Variants in ACSBG1 observed in about 807,000 individuals in gnomAD.
The protein encoded by ACSBG1 is long-chain-fatty-acid--CoA ligase ACSBG1.
A neutral mutation model predicts 80.2 loss-of-function variants in ACSBG1; 39 were observed. The observed-to-expected ratio is 0.49, with a 90% CI of 0.38 to 0.64. The LOEUF (loss-of-function observed/expected upper bound fraction) is 0.64, where lower values mean the gene tolerates loss of function less well. ACSBG1 is among the 30% of genes least tolerant of loss of function. The pLI, the probability that ACSBG1 is intolerant of heterozygous loss-of-function variation, is 0.00. For missense variants in ACSBG1, 828 were observed against 966.4 expected, an observed-to-expected ratio of 0.86 and a Z score of 1.90; for synonymous variants, 392 against 379.5, an observed-to-expected ratio of 1.03 and a Z score of -0.38.
rs2075224437 is a variant in ACSBG1 at position 78,207,280 on chromosome 15, C to T, written c.232+722G>A. On this transcript the variant is annotated intron_variant, in intron 2 of 13. Transcript: ENST00000258873. ...AGAGGAAACACCCACCCCCACAGCT[C>T]AGGCCAGATCCCTGCCAAAGCCACC... is the stretch of plus-strand genomic sequence containing the variant. 2.0e-5 allele frequency among the ~76,000 whole-genome samples: 3 copies of T among 152,232 alleles called. No homozygotes were observed. The South Asian group carries it at 6.2e-4, about 32-fold the overall frequency.
chr15:78,207,936 C>A, intron 2 of ACSBG1, 66 bp downstream of exon 2: 2 of 909,700 alleles, frequency 2.2e-6, no homozygotes, highest in East Asian at 3.2e-5. Context: ...CCACCCACCC[C>A]TCCAGCACAC....
intron 5 of ACSBG1, among the ~76,000 whole-genome samples, chr15:78,187,425 A>G (rs1214287678): frequency 1.3e-5 from 2 of 152,178 alleles, no homozygotes; most frequent in African/African-American, 2.4e-5. Context: ...AAAATCCTCA[A>G]TAAAATACTG....
At chr15:78,201,215 C>T (rs981268790) in intron 2 of ACSBG1, among the ~76,000 whole-genome samples, 16 of 152,310 alleles carry the variant, frequency 1.1e-4, no homozygotes, top group African/African-American at 2.9e-4. Context: ...AGCAGCAACC[C>T]GGCCTCCAGC....
At chr15:78,194,837 C>T in intron 2 of ACSBG1, 111 bp from the exon 3 acceptor site, 1 of 1,137,008 alleles carries the variant, frequency 8.8e-7, no homozygotes, top group Non-Finnish European at 1.2e-6. Context: ...GGGTCCTCGG[C>T]CTTGAGGCTG....
intron 1 of ACSBG1, among the ~76,000 whole-genome samples, chr15:78,222,665 A>G (rs2075368594): frequency 6.6e-6 from 1 of 152,200 alleles, no homozygotes; most frequent in Non-Finnish European, 1.5e-5. Flanking sequence ...TAATAACTAG[A>G]AAAAGATAAT....
intron 2 of ACSBG1, among the ~76,000 whole-genome samples, chr15:78,203,747 G>T (rs973899327): frequency 9.2e-5 from 14 of 152,248 alleles, no homozygotes; most frequent in Admixed American, 9.2e-4. Context: ...TGGTCTGTGG[G>T]AAAGGCTGCA....
chr15:78,216,912 C>T (rs1181313149), intron 1 of ACSBG1, among the ~76,000 whole-genome samples: 2 of 152,238 alleles, frequency 1.3e-5, no homozygotes, highest in African/African-American at 2.4e-5. Flanking sequence ...GCAGCCTGGC[C>T]GTACCCAAGA....
intron 1 of ACSBG1, 96 bp downstream of exon 1, chr15:78,234,275 C>G (rs548291104): frequency 2.0e-5 from 30 of 1,502,922 alleles, no homozygotes; most frequent in African/African-American, 4.2e-5. Flanking sequence ...AACTGAGGCT[C>G]AGAGAGAGAA....
chr15:78,208,065 G>C lies in ACSBG1; in HGVS notation c.169C>G (p.Leu57Val). 2.5e-6 allele frequency: 4 copies of C among 1,614,088 alleles called. No homozygotes were observed. The highest frequency in any genetic ancestry group is 3.4e-6 in the Non-Finnish European group (4 of 1,180,004). Reference sequence around the variant, plus strand: ...ACTGAGAGCTCGAGAGCATGGTTCAGGGACTCTTTGGAGAGTGGCTGCCTG... The same window carrying C: ...ACTGAGAGCTCGAGAGCATGGTTCACGGACTCTTTGGAGAGTGGCTGCCTG... Reference protein sequence around the residue: ...TDRQPLSKESLNHALELSVPE... With the variant: ...TDRQPLSKESVNHALELSVPE... Residue 57 changes from leucine to valine, a missense_variant, in exon 2 of 14, where the codon CTG becomes GTG. Around this residue, in one of 3 missense-constraint regions of ACSBG1, gnomAD observed 356 missense variants for 363.5 expected, o/e 0.98. Coordinates refer to ENST00000258873, the MANE Select transcript of ACSBG1 (RefSeq NM_015162.5).
In ACSBG1 at chr15:78,234,510, G is replaced by A. The variant is rs2075478034; in HGVS notation, c.-9C>T. ...CCAGAATTGCGTGGCATCTGCCTCG[G>A]GCTTCCACTGAAGACAGCTCAGTCA... On this transcript the variant is annotated 5_prime_UTR_variant, in exon 1 of 14. Transcript: ENST00000258873. The A allele has an allele frequency of 2.5e-6, 4 of 1,608,722 alleles. No homozygotes were observed. Among genetic ancestry groups the A allele is most frequent in the Non-Finnish European group, 3.4e-6 (4 of 1,179,924 alleles).
rs1178218836 is a variant in ACSBG1, at chr15:78,217,861, C to T, written c.132-9759G>A. 2.0e-5 allele frequency among the ~76,000 whole-genome samples: 3 copies of T among 152,124 alleles called. No individual in the cohort carries two copies. In the East Asian group the frequency reaches 5.8e-4, roughly 29 times the overall value. On this transcript the variant is annotated intron_variant, in intron 1 of 13. Coordinates refer to ENST00000258873, the MANE Select transcript of ACSBG1 (RefSeq NM_015162.5). ...GATTACAGGCGTGAGCCACCGCACCCGGCCTGGAAAATGTTTTATATAAAC... is the reference window on the plus strand; with the variant it reads ...GATTACAGGCGTGAGCCACCGCACCTGGCCTGGAAAATGTTTTATATAAAC...
At chr15:78,179,469 C>T (rs2074917679) in intron 10 of ACSBG1, 81 bp downstream of exon 10, 2 of 1,324,898 alleles carry the variant, frequency 1.5e-6, no homozygotes, top group Non-Finnish European at 2.1e-6. Flanking sequence ...AGAAGGGGAT[C>T]CCCAGGGCAC....
At chr15:78,230,393 C>A (rs1275928981) in intron 1 of ACSBG1, among the ~76,000 whole-genome samples, 1 of 152,242 alleles carries the variant, frequency 6.6e-6, no homozygotes, top group Non-Finnish European at 1.5e-5. Context: ...CCTCCCCTTT[C>A]TTCCACCTCC....
Position 78,208,110 on chromosome 15 carries a change from GGT to G in ACSBG1, c.132-10_132-9del. 6.2e-7 allele frequency: 1 copy of G among 1,611,172 alleles called. No individual in the cohort carries two copies. The highest frequency in any genetic ancestry group is 8.5e-7 in the Non-Finnish European group (1 of 1,178,050). On this transcript the variant is annotated splice_polypyrimidine_tract_variant and intron_variant, in intron 1 of 13. Coordinates refer to ENST00000258873, the MANE Select transcript of ACSBG1 (RefSeq NM_015162.5). ...TGCCTGTCAGTCAGTGAGCTGGGGT[GGT>G]GAGGGGACCAGGAAAAACATTCATT...
intron 1 of ACSBG1, among the ~76,000 whole-genome samples, chr15:78,227,218 CAAAAAAA>C (rs56011241): frequency 1.9e-5 from 1 of 53,776 alleles, no homozygotes; most frequent in Non-Finnish European, 3.4e-5. Flanking sequence ...GACCCTGTCT[CAAAAAAA>C]AAAAAAAAAA....
chr15:78,229,076 T>C (rs1175031313), intron 1 of ACSBG1, among the ~76,000 whole-genome samples: 2 of 946 alleles, frequency 2.1e-3, no homozygotes, highest in Non-Finnish European at 0.027. Context: ...TATATTCCCT[T>C]TTTTTTTTTT....
chr15:78,234,231 G>T, intron 1 of ACSBG1, 140 bp downstream of exon 1: 2 of 1,223,122 alleles, frequency 1.6e-6, no homozygotes, highest in Non-Finnish European at 2.3e-6. Flanking sequence ...CTTACGGATC[G>T]CCCAGATCCT....
At position 78,173,815 on chromosome 15, in the gene ACSBG1, C is replaced by CA; in HGVS notation, c.1866dup (p.Asp623Ter). 6.2e-7 allele frequency: 1 copy of CA among 1,614,040 alleles called. No individual in the cohort carries two copies. The stretch of plus-strand genomic sequence containing the variant: ...TGTTCAGTCAGATTATCAGTCTGGT[C>CA]AGAGGTGTCTGGGTCCAGAGTGCAC... On this transcript the variant is annotated frameshift_variant, in exon 13 of 14. Transcript: ENST00000258873. LOFTEE classifies it high-confidence loss of function.
At chr15:78,187,732 A>C (rs1035803952) in intron 5 of ACSBG1, among the ~76,000 whole-genome samples, 2 of 152,230 alleles carry the variant, frequency 1.3e-5, no homozygotes, top group Non-Finnish European at 2.9e-5. Flanking sequence ...TGAATGGGCA[A>C]AAACTGGAAG....
Sources: gnomAD v4.1 joint callset for allele counts (sites outside exome capture counted in the v4.1 genomes callset) on GRCh38, gnomAD v4.1.1 for gene constraint, gnomAD v4.1.1 regional missense constraint, MANE v1.5 for transcripts, NCBI Gene and HGNC (gene_info 2026-07-23, HGNC 2026-07-21) for gene names.